Variants in SAMMSON observed in about 807,000 individuals in gnomAD.
SAMMSON encodes long intergenic non-protein coding RNA 1212.
At chr3:70,228,813 G>C (rs1443617288) in intron 4 of SAMMSON, among the ~76,000 whole-genome samples, 1 of 151,314 alleles carries the variant, frequency 6.6e-6, no homozygotes, top group African/African-American at 2.4e-5. Context: ...AAGATGGATA[G>C]CTGGGTTATA....
chr3:70,353,656 C>T (rs982500406), intron 7 of SAMMSON, among the ~76,000 whole-genome samples: 1 of 152,150 alleles, frequency 6.6e-6, no homozygotes, highest in Non-Finnish European at 1.5e-5. Context: ...CTCTGAAAAA[C>T]AGTTTGGTAG....
intron 4 of SAMMSON, among the ~76,000 whole-genome samples, chr3:70,116,855 A>G (rs2067413680): frequency 1.3e-5 from 2 of 152,208 alleles, no homozygotes; most frequent in Admixed American, 6.5e-5. Flanking sequence ...TGAATAATTT[A>G]CTTTTTAGAT....
chr3:70,078,491 G>A (rs1309819006), intron 4 of SAMMSON, among the ~76,000 whole-genome samples: 1 of 152,046 alleles, frequency 6.6e-6, no homozygotes, highest in African/African-American at 2.4e-5. Flanking sequence ...CTGTTCTGTA[G>A]GCAGCCTTCA....
chr3:70,263,970 A>G (rs931821846), intron 6 of SAMMSON, among the ~76,000 whole-genome samples: 1 of 152,216 alleles, frequency 6.6e-6, no homozygotes, highest in Non-Finnish European at 1.5e-5. Context: ...CAACAGCAGA[A>G]GGATGATTCA....
At chr3:70,350,047 G>C (rs1320138648) in intron 7 of SAMMSON, among the ~76,000 whole-genome samples, 2 of 152,092 alleles carry the variant, frequency 1.3e-5, no homozygotes, top group Non-Finnish European at 2.9e-5. Flanking sequence ...CTTCCTTTTG[G>C]ATACTTAACT....
intron 4 of SAMMSON, among the ~76,000 whole-genome samples, chr3:70,222,768 A>C (rs560918357): frequency 6.6e-6 from 1 of 152,268 alleles, no homozygotes; most frequent in Admixed American, 6.5e-5. Context: ...GGTGCCTCCT[A>C]TTAAATAATT....
intron 4 of SAMMSON, among the ~76,000 whole-genome samples, chr3:70,101,557 T>C (rs1338859773): frequency 2.0e-5 from 3 of 152,188 alleles, no homozygotes; most frequent in Non-Finnish European, 4.4e-5. Context: ...TGTCTTTTAA[T>C]TTTTTAGTGT....
intron 4 of SAMMSON, among the ~76,000 whole-genome samples, chr3:70,211,766 C>CCCTTTCCTTTCCTCT (rs1576156989): frequency 6.8e-6 from 1 of 146,180 alleles, no homozygotes; most frequent in African/African-American, 2.5e-5. Context: ...TTTTCTTTCT[C>CCCTTTCCTTTCCTCT]CCTTTCCTTT....
chr3:70,059,528 G>C (rs73836034), intron 3 of SAMMSON, among the ~76,000 whole-genome samples: 1 of 152,056 alleles, frequency 6.6e-6, no homozygotes, highest in Non-Finnish European at 1.5e-5. Context: ...ACACCTGAAA[G>C]TCAGGAGCAC....
At chr3:70,334,935 T>C (rs1702650135) in intron 7 of SAMMSON, among the ~76,000 whole-genome samples, 1 of 152,086 alleles carries the variant, frequency 6.6e-6, no homozygotes, top group Non-Finnish European at 1.5e-5. Flanking sequence ...TCCTTGTGAC[T>C]TTTTTATTTC....
At chr3:70,266,176 T>A (rs959727599) in intron 6 of SAMMSON, among the ~76,000 whole-genome samples, 4 of 152,188 alleles carry the variant, frequency 2.6e-5, no homozygotes, top group African/African-American at 7.2e-5. Context: ...TTATTAAAAA[T>A]ATTTACAAAC....
At chr3:70,022,125 A>G (rs1271943770) in intron 3 of SAMMSON, among the ~76,000 whole-genome samples, 2 of 152,124 alleles carry the variant, frequency 1.3e-5, no homozygotes, top group African/African-American at 2.4e-5. Flanking sequence ...TGTTCCTCCA[A>G]TAATCTGTTG....
At chr3:70,012,472 C>T (rs73102056) in exon 2 of SAMMSON, 8,811 of 151,868 alleles carry the variant, frequency 0.058, 358 homozygotes, top group South Asian at 0.13. Flanking sequence ...AAGGAAGGGG[C>T]GAAAACCAAG....
chr3:70,186,598 G>C (rs1259381098), intron 4 of SAMMSON, among the ~76,000 whole-genome samples: 1 of 152,036 alleles, frequency 6.6e-6, no homozygotes, highest in South Asian at 2.1e-4. Context: ...TATTTTGAAA[G>C]GTTACCTAAT....
At chr3:70,301,886 T>C (rs1375711866) in intron 7 of SAMMSON, among the ~76,000 whole-genome samples, 1 of 152,110 alleles carries the variant, frequency 6.6e-6, no homozygotes, top group Non-Finnish European at 1.5e-5. Context: ...AAATGAAATA[T>C]ATTTGATACG....
intron 7 of SAMMSON, among the ~76,000 whole-genome samples, chr3:70,308,019 G>GT (rs970941880): frequency 5.3e-5 from 8 of 152,052 alleles, no homozygotes; most frequent in Admixed American, 6.6e-5. Context: ...TTGGCCCACA[G>GT]TTTGCATAAT....
At chr3:70,202,907 GAGGTTC>G (rs1701255738) in intron 4 of SAMMSON, among the ~76,000 whole-genome samples, 1 of 152,100 alleles carries the variant, frequency 6.6e-6, no homozygotes, top group African/African-American at 2.4e-5. Context: ...GCAATCCAAG[GAGGTTC>G]CACAAGTGTG....
At chr3:70,295,333 A>C (rs1040717147) in intron 7 of SAMMSON, among the ~76,000 whole-genome samples, 1 of 152,180 alleles carries the variant, frequency 6.6e-6, no homozygotes, top group African/African-American at 2.4e-5. Flanking sequence ...ACATCTAGTG[A>C]GTCCAGATTT....
intron 2 of SAMMSON, among the ~76,000 whole-genome samples, chr3:70,424,184 A>G (rs1431980346): frequency 6.6e-6 from 1 of 152,214 alleles, no homozygotes; most frequent in Non-Finnish European, 1.5e-5. Flanking sequence ...ATAAGTTTTA[A>G]TATTCCACTG....
Sources: allele counts gnomAD v4.1 joint callset (sites outside exome capture counted in the v4.1 genomes callset), GRCh38; gene constraint gnomAD v4.1.1; transcripts MANE v1.5; gene names NCBI Gene and HGNC (gene_info 2026-07-23, HGNC 2026-07-21).